SPATA17: variants seen among roughly 807,000 people sequenced by gnomAD.
SPATA17 encodes spermatogenesis associated 17.
A neutral mutation model predicts 62.2 loss-of-function variants in SPATA17; 53 were observed. That is an observed-to-expected ratio of 0.85 (90% CI 0.68 to 1.07). The LOEUF (loss-of-function observed/expected upper bound fraction) is 1.07, where lower values mean the gene tolerates loss of function less well. Among genes scored for constraint, SPATA17 ranks in the 50% least tolerant of loss-of-function variants. The probability of loss-of-function intolerance (pLI) is 0.00; values close to 1 mark genes in which losing one functional copy is unlikely to be tolerated. For synonymous variants in SPATA17, 146 were observed against 146.8 expected (o/e 0.99, Z 0.04); for missense variants, 466 against 425.5 (o/e 1.10, Z -0.84).
At chr1:217,830,996 T>C (rs762250758) in intron 9 of SPATA17, among the ~76,000 whole-genome samples, 1 of 152,158 alleles carries the variant, frequency 6.6e-6, no homozygotes, top group Non-Finnish European at 1.5e-5. Context: ...AGGATACAAA[T>C]GTTTACCTTA....
chr1:217,822,595 A>G (rs990912329), intron 9 of SPATA17, among the ~76,000 whole-genome samples: 1 of 149,090 alleles, frequency 6.7e-6, no homozygotes, highest in African/African-American at 2.4e-5. Context: ...CGAATTAGCC[A>G]TATCTTCTAT....
chr1:217,701,007 C>T (rs984205855), intron 5 of SPATA17, among the ~76,000 whole-genome samples: 6 of 151,998 alleles, frequency 3.9e-5, no homozygotes, highest in Non-Finnish European at 8.8e-5. Flanking sequence ...CAGGTTCTTG[C>T]TCTGTCATCC....
At chr1:217,749,985 C>CTCTCTCTCTCTCTCTATATATATATA in intron 6 of SPATA17, among the ~76,000 whole-genome samples, 2 of 12,310 alleles carry the variant, frequency 1.6e-4, no homozygotes, top group African/African-American at 3.0e-4. Context: ...CTCTCTCTCT[C>CTCTCTCTCTCTCTCTATATATATATA]TATATATATA....
chr1:217,708,889 A>G (rs933887244), intron 5 of SPATA17, among the ~76,000 whole-genome samples: 1 of 152,212 alleles, frequency 6.6e-6, no homozygotes, highest in Non-Finnish European at 1.5e-5. Context: ...TACAGAAATC[A>G]ATAAATGTGA....
intron 8 of SPATA17, among the ~76,000 whole-genome samples, chr1:217,787,395 G>C (rs1673896385): frequency 6.6e-6 from 1 of 152,014 alleles, no homozygotes; most frequent in Non-Finnish European, 1.5e-5. Context: ...TCTGATCCAA[G>C]CTTATTTCTC....
intron 5 of SPATA17, among the ~76,000 whole-genome samples, chr1:217,690,676 TC>T (rs1397613327): frequency 9.1e-6 from 1 of 109,356 alleles, no homozygotes; most frequent in East Asian, 2.8e-4. Flanking sequence ...AGTGTGATAT[TC>T]CCCTTCCTGT....
Position 217,806,805 on chromosome 1 carries a change from CCTT to C in SPATA17, c.1005+4959_1005+4961del, listed in dbSNP as rs563190317. On this transcript the variant is annotated intron_variant, in intron 9 of 10. Coordinates refer to ENST00000366933, the MANE Select transcript of SPATA17 (RefSeq NM_138796.4). ...TTATGACATCATTTAATCTTAATCA[CCTT>C]CTTAAAAGCTCTGTCTCCAATATAG... is the stretch of plus-strand genomic sequence containing the variant. Among the ~76,000 whole-genome samples the C allele has an allele frequency of 8.5e-5, 13 of 152,246 alleles. No individual in the cohort carries two copies. The South Asian group carries it at 2.7e-3, about 32-fold the overall frequency.
At chr1:217,708,823 G>T (rs1328416169) in intron 5 of SPATA17, among the ~76,000 whole-genome samples, 2 of 151,868 alleles carry the variant, frequency 1.3e-5, no homozygotes, top group Non-Finnish European at 2.9e-5. Flanking sequence ...ACATTAAAAA[G>T]GAAATCCACC....
intron 9 of SPATA17, among the ~76,000 whole-genome samples, chr1:217,830,595 T>A (rs1415585150): frequency 6.6e-6 from 1 of 152,140 alleles, no homozygotes; most frequent in African/African-American, 2.4e-5. Context: ...AAATGCAATA[T>A]ATTTTCTCCT....
intron 1 of SPATA17, among the ~76,000 whole-genome samples, chr1:217,634,698 TG>T (rs1216828957): frequency 6.6e-6 from 1 of 152,154 alleles, no homozygotes; most frequent in East Asian, 1.9e-4. Context: ...GGGTTTGCCT[TG>T]GGAAAGGCCT....
chr1:217,851,747 T>C (rs1353672697), intron 9 of SPATA17, among the ~76,000 whole-genome samples: 2 of 152,170 alleles, frequency 1.3e-5, no homozygotes, highest in Admixed American at 1.3e-4. Context: ...AAACACTGTC[T>C]GATGAAAATG....
At chr1:217,649,088 G>A (rs1670251683) in intron 2 of SPATA17, 117 bp downstream of exon 2, 2 of 643,678 alleles carry the variant, frequency 3.1e-6, no homozygotes, top group African/African-American at 3.7e-5. Flanking sequence ...TCATAATGTA[G>A]TTGATAAATT....
chr1:217,774,595 C>G, intron 7 of SPATA17, 58 bp downstream of exon 7: 1 of 1,427,618 alleles, frequency 7.0e-7, no homozygotes, highest in Non-Finnish European at 9.7e-7. Flanking sequence ...ATTTTTTGCA[C>G]TTTTTATATA....
At chr1:217,728,675 T>TA (rs1442797905) in intron 5 of SPATA17, among the ~76,000 whole-genome samples, 4 of 152,150 alleles carry the variant, frequency 2.6e-5, no homozygotes, top group Non-Finnish European at 5.9e-5. Context: ...TTTGAATCAT[T>TA]AAAAAAACTG....
At chr1:217,713,238 C>T (rs187510177) in intron 5 of SPATA17, among the ~76,000 whole-genome samples, 3 of 152,050 alleles carry the variant, frequency 2.0e-5, no homozygotes, top group African/African-American at 7.2e-5. Flanking sequence ...TGTGTGCTAT[C>T]AATTTCCTTC....
intron 9 of SPATA17, among the ~76,000 whole-genome samples, chr1:217,819,963 ACT>A (rs1674818674): frequency 6.6e-6 from 1 of 152,084 alleles, no homozygotes; most frequent in African/African-American, 2.4e-5. Flanking sequence ...TAAATTAATC[ACT>A]GTTTTAAATA....
intron 5 of SPATA17, among the ~76,000 whole-genome samples, chr1:217,695,816 G>A (rs1289143274): frequency 1.1e-5 from 1 of 94,494 alleles, no homozygotes; most frequent in Non-Finnish European, 2.1e-5. Context: ...GGGGTCAGGA[G>A]TCAGGGACCC....
chr1:217,656,586 T>A (rs1406861537), intron 3 of SPATA17, among the ~76,000 whole-genome samples: 1 of 142,342 alleles, frequency 7.0e-6, no homozygotes, highest in African/African-American at 2.6e-5. Context: ...ATGTATTTAT[T>A]TATTTTTGCC....
chr1:217,680,467 T>C (rs966373581), intron 4 of SPATA17, among the ~76,000 whole-genome samples: 1 of 152,216 alleles, frequency 6.6e-6, no homozygotes. Context: ...TCAGCCATAA[T>C]ATAATATTGG....
Sources: gnomAD v4.1 joint callset for allele counts (sites outside exome capture counted in the v4.1 genomes callset) on GRCh38, gnomAD v4.1.1 for gene constraint, MANE v1.5 for transcripts, NCBI Gene and HGNC (gene_info 2026-07-23, HGNC 2026-07-21) for gene names.